Variants in RAI1 observed in about 807,000 individuals in gnomAD.
RAI1 encodes retinoic acid-induced protein 1.
A neutral mutation model predicts 123.8 loss-of-function variants in RAI1; 9 were observed. The observed-to-expected ratio is 0.07, with a 90% CI of 0.04 to 0.13. The LOEUF is 0.13. Among genes scored for constraint, RAI1 ranks in the 10% least tolerant of loss-of-function variants. RAI1 has a pLI of 1.00. For missense variants in RAI1, 2,256 were observed against 2,545.8 expected, an observed-to-expected ratio of 0.89 and a Z score of 2.45; for synonymous variants, 1,231 against 1,127.3, an observed-to-expected ratio of 1.09 and a Z score of -1.84.
At chr17:17,721,322 C>T (rs1157402993) in intron 1 of RAI1, among the ~76,000 whole-genome samples, 1 of 152,158 alleles carries the variant, frequency 6.6e-6, no homozygotes, top group Non-Finnish European at 1.5e-5. Flanking sequence ...GAATGTATAC[C>T]AGGAACCATT....
intron 1 of RAI1, among the ~76,000 whole-genome samples, chr17:17,693,864 C>T (rs1383866781): frequency 3.3e-5 from 5 of 152,122 alleles, no homozygotes; most frequent in Non-Finnish European, 5.9e-5. Context: ...GCTGGGCGGC[C>T]GGGAAGTAGC....
chr17:17,757,471 C>T (rs544181548), intron 2 of RAI1, among the ~76,000 whole-genome samples: 6 of 152,276 alleles, frequency 3.9e-5, no homozygotes, highest in Middle Eastern at 3.4e-3. Flanking sequence ...CTGGCTGCAG[C>T]GGGGCCCACC....
At chr17:17,758,719 C>T (rs2030552120) in intron 2 of RAI1, among the ~76,000 whole-genome samples, 3 of 152,322 alleles carry the variant, frequency 2.0e-5, no homozygotes, top group South Asian at 4.1e-4. Context: ...CAATGATCAA[C>T]GTATGTACGA....
chr17:17,752,571 G>A (rs991933880), intron 2 of RAI1, among the ~76,000 whole-genome samples: 10 of 152,292 alleles, frequency 6.6e-5, no homozygotes, highest in South Asian at 4.1e-4. Context: ...CCTGTCCGTA[G>A]TTTTTCTTGG....
At chr17:17,697,995 A>G (rs1239308149) in intron 1 of RAI1, among the ~76,000 whole-genome samples, 4 of 152,086 alleles carry the variant, frequency 2.6e-5, no homozygotes, top group African/African-American at 9.7e-5. Context: ...CTGCTTTTCC[A>G]TCCGGCCCTG....
At chr17:17,688,217 G>A (rs1914706673) in intron 1 of RAI1, among the ~76,000 whole-genome samples, 1 of 151,630 alleles carries the variant, frequency 6.6e-6, no homozygotes, top group South Asian at 2.1e-4. Context: ...GGGCGCGGTG[G>A]CTTACGTCTA....
chr17:17,778,517 A>T, intron 2 of RAI1: 2 of 353,480 alleles, frequency 5.7e-6, no homozygotes, highest in South Asian at 4.3e-5. Context: ...CACCCAGCAT[A>T]TACATATGCA....
intron 2 of RAI1, among the ~76,000 whole-genome samples, chr17:17,753,646 G>A (rs978834910): frequency 6.6e-6 from 1 of 152,154 alleles, no homozygotes; most frequent in Non-Finnish European, 1.5e-5. Context: ...CTGGGCTCAG[G>A]CCACCCTCAA....
chr17:17,712,442 G>T (rs1915593484), intron 1 of RAI1, among the ~76,000 whole-genome samples: 2 of 152,226 alleles, frequency 1.3e-5, no homozygotes, highest in South Asian at 4.1e-4. Flanking sequence ...CAGCGGGAGT[G>T]GGTGGGGAAG....
At chr17:17,778,963 G>A (rs1433855916) in intron 2 of RAI1, 2 of 453,124 alleles carry the variant, frequency 4.4e-6, no homozygotes, top group Non-Finnish European at 8.9e-6. Flanking sequence ...AGAGTATTCT[G>A]AACCGCAGAA....
chr17:17,794,012 C>T lies in RAI1; in HGVS notation c.1064C>T (p.Ser355Phe). The T allele has an allele frequency of 1.2e-6, 2 of 1,614,002 alleles. No individual in the cohort carries two copies. Among genetic ancestry groups the T allele is most frequent in the African/African-American group, 1.3e-5 (1 of 75,032 alleles). ...SPARSVGRSP[S>F]YSSTPSPLMP... ...GCCCGCTCCGTGGGCCGCTCACCTTCCTACAGTTCCACACCGTCGCCGCTG... is the reference window on the plus strand; with the variant it reads ...GCCCGCTCCGTGGGCCGCTCACCTTTCTACAGTTCCACACCGTCGCCGCTG... Residue 355 changes from serine to phenylalanine, a missense_variant, in exon 3 of 6, where the codon TCC (serine) becomes TTC (phenylalanine). By Grantham distance (155) the Ser-to-Phe change is radical. This residue lies in a region of RAI1 where 357 missense variants were observed against 480.2 expected (regional missense o/e 0.74). Transcript: ENST00000353383.
chr17:17,734,769 CA>C (rs1325948514), intron 2 of RAI1, among the ~76,000 whole-genome samples: 2 of 152,340 alleles, frequency 1.3e-5, no homozygotes, highest in East Asian at 1.9e-4. Context: ...TGGACACACA[CA>C]GGGGCACATA....
chr17:17,681,515 C>T lies in RAI1; in HGVS notation c.-427C>T, dbSNP rs971101847. On this transcript the variant is annotated 5_prime_UTR_variant, in exon 1 of 6. Transcript: ENST00000353383. ...GGCCCGGCCGGGTGCGCGGCCAAGG[C>T]CCGCTCCCCGCGTCCCCGGGCGCCG... 16 of 172,204 alleles carry T rather than the reference C, an allele frequency of 9.3e-5. No homozygotes were observed. Among genetic ancestry groups the T allele is most frequent in the Non-Finnish European group, 1.9e-4 (16 of 82,658 alleles). 10.7% of individuals were successfully genotyped at this position (172,204 alleles called of 1,614,324 possible). A position where few individuals can be genotyped will look rare whatever the true frequency, so the allele number is the denominator to read the frequency against.
intron 2 of RAI1, among the ~76,000 whole-genome samples, chr17:17,757,721 C>T (rs994679468): frequency 2.0e-5 from 3 of 152,248 alleles, no homozygotes; most frequent in Non-Finnish European, 2.9e-5. Flanking sequence ...CAGCCCCCGC[C>T]GCAGGCGCCC....
At chr17:17,730,787 C>T (rs1301741114) in intron 2 of RAI1, among the ~76,000 whole-genome samples, 1 of 152,230 alleles carries the variant, frequency 6.6e-6, no homozygotes, top group African/African-American at 2.4e-5. Context: ...GACCGAGGCA[C>T]AAGATGAGAC....
chr17:17,799,051 G>A lies in RAI1; in HGVS notation c.5565+538G>A, dbSNP rs1157838944. Among the ~76,000 whole-genome samples, 1 of 152,146 alleles carries A rather than the reference G, an allele frequency of 6.6e-6. No homozygotes were observed. Among genetic ancestry groups the A allele is most frequent in the African/African-American group, 2.4e-5 (1 of 41,432 alleles). Reference sequence around the variant, plus strand: ...TCCTCCCTCTGCAGGACAGTCCATGGGGTCACACAGTCACAACAGGCAGGG... The same window carrying A: ...TCCTCCCTCTGCAGGACAGTCCATGAGGTCACACAGTCACAACAGGCAGGG... On this transcript the variant is annotated intron_variant, in intron 3 of 5. Transcript: ENST00000353383. This position sits in a 1 kb window ranked among gnomAD's most constrained non-coding sequence, Gnocchi z 4.5.
chr17:17,789,185 G>A (rs1022857381), intron 2 of RAI1, among the ~76,000 whole-genome samples: 17 of 152,240 alleles, frequency 1.1e-4, no homozygotes, highest in African/African-American at 1.2e-4. Flanking sequence ...GTGTCCACCC[G>A]TGGTCCAGTC....
In RAI1 at chr17:17,810,334, A is replaced by G. The variant is rs927118462; in HGVS notation, c.*353A>G. ...TGGGAGACGGCTTTGTCCTGGGGAC[A>G]CTTTCCCTCTGGAATCTCAAGACGA... On this transcript the variant is annotated 3_prime_UTR_variant, in exon 6 of 6. Transcript: ENST00000353383. This position sits in a 1 kb window ranked among gnomAD's most constrained non-coding sequence, Gnocchi z 4.6. 1 of 379,310 alleles carries G rather than the reference A, an allele frequency of 2.6e-6. No individual in the cohort carries two copies. The highest frequency in any genetic ancestry group is 4.8e-6 in the Non-Finnish European group (1 of 210,104). 23.5% of individuals were successfully genotyped at this position (379,310 alleles called of 1,614,324 possible).
intron 2 of RAI1, among the ~76,000 whole-genome samples, chr17:17,729,090 G>T (rs1272368379): frequency 6.6e-6 from 1 of 152,172 alleles, no homozygotes; most frequent in Non-Finnish European, 1.5e-5. Flanking sequence ...ACCTGGGCAA[G>T]GCCTGCCTCG....
Sources: gnomAD v4.1 joint callset for allele counts (sites outside exome capture counted in the v4.1 genomes callset) on GRCh38, gnomAD v4.1.1 for gene constraint, gnomAD v4.1.1 regional missense constraint, Gnocchi (gnomAD v3.1) non-coding constraint, MANE v1.5 for transcripts, NCBI Gene and HGNC (gene_info 2026-07-23, HGNC 2026-07-21) for gene names.